PTPRD: variants seen among roughly 807,000 people sequenced by gnomAD.
PTPRD encodes the protein protein tyrosine phosphatase receptor type D.
In PTPRD, 34 loss-of-function variants were observed where a neutral mutation model predicts 214.5. The ratio of observed to expected loss-of-function variants is 0.16; its 90% CI spans 0.12 to 0.21. The LOEUF is 0.21. Among genes scored for constraint, PTPRD ranks in the 10% least tolerant of loss-of-function variants. The pLI is 1.00. For missense variants in PTPRD, 2,545 were observed against 2,398.7 expected (o/e 1.06, Z -1.27); for synonymous variants, 1,128 against 845.7 (o/e 1.33, Z -5.79).
intron 9 of PTPRD, among the ~76,000 whole-genome samples, chr9:9,260,595 G>A (rs896994943): frequency 1.3e-5 from 2 of 151,736 alleles, no homozygotes; most frequent in African/African-American, 4.8e-5. Context: ...GAAAGAGTAG[G>A]GTGAGGTAGG....
At chr9:9,574,119 TA>T (rs2154303716) in intron 8 of PTPRD, among the ~76,000 whole-genome samples, 1 of 152,004 alleles carries the variant, frequency 6.6e-6, no homozygotes, top group East Asian at 1.9e-4. Flanking sequence ...AAAACACAAA[TA>T]AACTCATATT....
intron 2 of PTPRD, among the ~76,000 whole-genome samples, chr9:10,392,715 G>T (rs1183546472): frequency 6.6e-6 from 1 of 151,762 alleles, no homozygotes; most frequent in East Asian, 1.9e-4. Context: ...TGTCTTATTT[G>T]AGGTTTTATG....
intron 8 of PTPRD, among the ~76,000 whole-genome samples, chr9:9,562,913 A>G (rs1227289296): frequency 6.6e-6 from 1 of 152,214 alleles, no homozygotes; most frequent in African/African-American, 2.4e-5. Context: ...CCATGTGGGC[A>G]GACATCTTTG....
At chr9:9,159,406 T>C (rs1348743238) in intron 10 of PTPRD, among the ~76,000 whole-genome samples, 1 of 152,180 alleles carries the variant, frequency 6.6e-6, no homozygotes, top group Non-Finnish European at 1.5e-5. Flanking sequence ...GTAGTGTTTC[T>C]ATATATGTAT....
chr9:9,529,878 T>C (rs1445254912), intron 8 of PTPRD, among the ~76,000 whole-genome samples: 2 of 151,770 alleles, frequency 1.3e-5, no homozygotes, highest in Admixed American at 1.3e-4. Context: ...TTACACTCTA[T>C]ATAAATACAT....
At chr9:8,831,590 G>C (rs749021976) in intron 11 of PTPRD, among the ~76,000 whole-genome samples, 1 of 152,158 alleles carries the variant, frequency 6.6e-6, no homozygotes, top group Non-Finnish European at 1.5e-5. Context: ...ATTAAAGCTT[G>C]TTAAACTTTC....
intron 7 of PTPRD, among the ~76,000 whole-genome samples, chr9:9,620,570 T>C (rs2095182459): frequency 6.6e-6 from 1 of 152,206 alleles, no homozygotes; most frequent in African/African-American, 2.4e-5. Context: ...ACATTATTTC[T>C]TTTATTTCAA....
At chr9:9,555,113 A>C (rs1466260515) in intron 8 of PTPRD, among the ~76,000 whole-genome samples, 1 of 152,080 alleles carries the variant, frequency 6.6e-6, no homozygotes, top group Non-Finnish European at 1.5e-5. Context: ...CAGAGTTTTG[A>C]GCATGGACTT....
At chr9:10,567,958 A>AT (rs1340569229) in intron 2 of PTPRD, among the ~76,000 whole-genome samples, 1 of 149,512 alleles carries the variant, frequency 6.7e-6, no homozygotes, top group East Asian at 2.0e-4. Context: ...TTTATTTGTT[A>AT]TTTTTTAAAA....
chr9:8,824,463 T>C (rs2097137166), intron 11 of PTPRD, among the ~76,000 whole-genome samples: 1 of 152,198 alleles, frequency 6.6e-6, no homozygotes, highest in Non-Finnish European at 1.5e-5. Context: ...GTAAGGTTTA[T>C]TTATAACTTT....
chr9:9,594,666 C>T (rs2093101724), intron 7 of PTPRD, among the ~76,000 whole-genome samples: 1 of 152,082 alleles, frequency 6.6e-6, no homozygotes, highest in African/African-American at 2.4e-5. Context: ...GTTTTGGTGA[C>T]TATGGCCTTA....
chr9:9,223,550 A>T (rs2099957519), intron 9 of PTPRD, among the ~76,000 whole-genome samples: 1 of 152,062 alleles, frequency 6.6e-6, no homozygotes, highest in African/African-American at 2.4e-5. Flanking sequence ...CTGATGAAAC[A>T]GCCTATGCCT....
At chr9:8,677,573 T>G (rs2097454349) in intron 12 of PTPRD, among the ~76,000 whole-genome samples, 1 of 152,160 alleles carries the variant, frequency 6.6e-6, no homozygotes, top group South Asian at 2.1e-4. Context: ...TCAGGTATTA[T>G]CTGAGTGATG....
At chr9:10,068,520 G>A (rs1409370450) in intron 3 of PTPRD, among the ~76,000 whole-genome samples, 2 of 151,808 alleles carry the variant, frequency 1.3e-5, no homozygotes, top group South Asian at 2.1e-4. Flanking sequence ...CGTAATATGG[G>A]AATATGTCAG....
rs190617934 is a variant in PTPRD at position 10,340,592 on chromosome 9, A to T, written c.-545+371T>A. ...GCCCTACATATTTGGATAAACTACC[A>T]ACCATCCTAGAGCCTTAATTTCTTT... is the stretch of plus-strand genomic sequence containing the variant. On this transcript the variant is annotated intron_variant, in intron 3 of 45. Coordinates refer to ENST00000381196, the MANE Select transcript of PTPRD (RefSeq NM_002839.4). 3.2e-3 allele frequency among the ~76,000 whole-genome samples: 491 copies of T among 152,046 alleles called. 3 individuals carry two copies. Among genetic ancestry groups the T allele is most frequent in the African/African-American group, 0.011 (462 of 41,540 alleles).
chr9:9,105,730 C>A (rs185680676), intron 10 of PTPRD, among the ~76,000 whole-genome samples: 19 of 152,278 alleles, frequency 1.2e-4, no homozygotes, highest in Admixed American at 5.9e-4. Context: ...TGAAAATGTT[C>A]AGGGGATTAT....
At chr9:8,468,840 G>T (rs2134725082) in intron 31 of PTPRD, among the ~76,000 whole-genome samples, 1 of 148,586 alleles carries the variant, frequency 6.7e-6, no homozygotes, top group East Asian at 2.0e-4. Context: ...ATCAAAAACT[G>T]GATGAGTAAG....
At chr9:10,276,865 C>T (rs555945512) in intron 3 of PTPRD, among the ~76,000 whole-genome samples, 10 of 152,334 alleles carry the variant, frequency 6.6e-5, no homozygotes, top group African/African-American at 2.2e-4. Flanking sequence ...ATGACTTTCT[C>T]TGCTCTTCTT....
At chr9:10,410,771 G>A (rs1205253643) in intron 2 of PTPRD, among the ~76,000 whole-genome samples, 3 of 151,726 alleles carry the variant, frequency 2.0e-5, no homozygotes, top group Non-Finnish European at 4.4e-5. Context: ...GTAAAGAAGT[G>A]TAAGAGTTTG....
Sources: gnomAD v4.1 joint callset for allele counts (sites outside exome capture counted in the v4.1 genomes callset) on GRCh38, gnomAD v4.1.1 for gene constraint, MANE v1.5 for transcripts, NCBI Gene and HGNC (gene_info 2026-07-23, HGNC 2026-07-21) for gene names.